Variants in ATXN2 observed in about 807,000 individuals in gnomAD.
ATXN2 encodes ataxin-2.
ATXN2 carries 37 observed loss-of-function variants against 138.6 expected under a neutral mutation model. The observed-to-expected ratio is 0.27, with a 90% CI of 0.21 to 0.35. ATXN2 has a LOEUF of 0.35. ATXN2 is among the 10% of genes least tolerant of loss of function. ATXN2 has a pLI of 1.00. For synonymous variants in ATXN2, 549 were observed against 543.7 expected (o/e 1.01, Z -0.13); for missense variants, 1,216 against 1,480.3 (o/e 0.82, Z 2.93).
At position 111,453,329 on chromosome 12, in the gene ATXN2, C is replaced by T. The variant is rs1050408707; in HGVS notation, c.3439+348G>A. The T allele has an allele frequency of 3.7e-6, 4 of 1,084,732 alleles. No individual in the cohort carries two copies. Among genetic ancestry groups the T allele is most frequent in the Admixed American group, 1.0e-4 (2 of 19,550 alleles). The allele number at this position is 1,084,732 out of a possible 1,614,324, so 67.2% of individuals were successfully genotyped here. On this transcript the variant is annotated intron_variant, in intron 24 of 24. Transcript: ENST00000673436. This position sits in a 1 kb window ranked among gnomAD's most constrained non-coding sequence, Gnocchi z 5.4. ...AAACTCTGCCATGGTAATAACCCCCCACATGTCAGACTTTTGGGACTCAGG... is the reference window on the plus strand; with the variant it reads ...AAACTCTGCCATGGTAATAACCCCCTACATGTCAGACTTTTGGGACTCAGG...
At chr12:111,454,491 G>A (rs1874912868) in intron 23 of ATXN2, 1 of 154,154 alleles carries the variant, frequency 6.5e-6, no homozygotes, top group South Asian at 2.0e-4. Flanking sequence ...CAGTGAGATG[G>A]AAAGGAGTAA....
chr12:111,491,251 C>CA (rs1186660084), intron 14 of ATXN2, among the ~76,000 whole-genome samples: 34 of 151,522 alleles, frequency 2.2e-4, no homozygotes, highest in South Asian at 1.9e-3. Context: ...GAAACTCTGC[C>CA]AAAAAAAACC....
intron 5 of ATXN2, among the ~76,000 whole-genome samples, chr12:111,528,272 T>G (rs1045515081): frequency 3.9e-5 from 6 of 151,906 alleles, no homozygotes; most frequent in African/African-American, 1.4e-4. Context: ...CTACAGGGTA[T>G]GTGTGTGTGT....
intron 1 of ATXN2, among the ~76,000 whole-genome samples, chr12:111,563,935 C>T (rs1200995305): frequency 1.3e-5 from 2 of 152,134 alleles, no homozygotes; most frequent in Admixed American, 6.6e-5. Context: ...ACTAGTGTAT[C>T]TGTCATATAC....
chr12:111,559,712 C>T (rs911170892), intron 1 of ATXN2, among the ~76,000 whole-genome samples: 32 of 149,866 alleles, frequency 2.1e-4, no homozygotes, highest in Non-Finnish European at 3.3e-4. Context: ...AGTGGAGGTT[C>T]CAGTGAGCCG....
chr12:111,509,713 A>C, intron 13 of ATXN2, 94 bp from the exon 14 acceptor site: 1 of 940,988 alleles, frequency 1.1e-6, no homozygotes, highest in East Asian at 2.6e-5. Flanking sequence ...AGAATAAGAT[A>C]TAAGATCAGA....
At chr12:111,563,677 A>G (rs1882824837) in intron 1 of ATXN2, among the ~76,000 whole-genome samples, 1 of 152,222 alleles carries the variant, frequency 6.6e-6, no homozygotes, top group African/African-American at 2.4e-5. Flanking sequence ...ATTCTTTATA[A>G]TATCTTTGCA....
intron 1 of ATXN2, among the ~76,000 whole-genome samples, chr12:111,572,367 C>T (rs985264746): frequency 1.5e-4 from 23 of 151,686 alleles, no homozygotes; most frequent in Non-Finnish European, 2.8e-4. Context: ...CACCATTGCA[C>T]TCCAGCCTGG....
intron 5 of ATXN2, among the ~76,000 whole-genome samples, chr12:111,535,991 C>T (rs892513643): frequency 7.1e-6 from 1 of 140,596 alleles, no homozygotes; most frequent in African/African-American, 3.0e-5. Flanking sequence ...CAGAGCGAGA[C>T]TCCGTCTCAA....
At chr12:111,583,186 T>G (rs1884111246) in intron 1 of ATXN2, among the ~76,000 whole-genome samples, 1 of 148,208 alleles carries the variant, frequency 6.7e-6, no homozygotes, top group Non-Finnish European at 1.5e-5. Context: ...AGAGATGAGG[T>G]TTCACAATGT....
At position 111,545,601 on chromosome 12, in the gene ATXN2, T is replaced by C. The variant is rs377662583; in HGVS notation, c.571+6679A>G. Among the ~76,000 whole-genome samples, 4 of 150,508 alleles carry C rather than the reference T, an allele frequency of 2.7e-5. No homozygotes were observed. The East Asian group carries it at 7.9e-4, about 30-fold the overall frequency. On this transcript the variant is annotated intron_variant, in intron 5 of 24. Coordinates refer to ENST00000673436, the MANE Select transcript of ATXN2 (RefSeq NM_001372574.1). The stretch of plus-strand genomic sequence containing the variant: ...AAGAAAAAGAGAACAAGGAGGTAAG[T>C]AGAAGGGAGAGAGTCAAGGGCATGA...
rs757873033 is a variant in ATXN2 at position 111,598,978 on chromosome 12, T to TGCTGCTGC, written c.56_57insGCAGCAGC (p.Gln22HisfsTer27). 4.2e-5 allele frequency: 54 copies of TGCTGCTGC among 1,292,996 alleles called. No homozygotes were observed. The African/African-American group carries it at 5.7e-4, about 14-fold the overall frequency. The allele number at this position is 1,292,996 out of a possible 1,614,324, so 80.1% of individuals were successfully genotyped here. On this transcript the variant is annotated frameshift_variant, in exon 1 of 25. Transcript: ENST00000673436. LOFTEE classifies it high-confidence loss of function. The surrounding 1 kb of genome is among the most constrained non-coding windows in gnomAD (Gnocchi z 4.5). The stretch of plus-strand genomic sequence containing the variant: ...GCTGCTGCTGCTGCTGCTGCTGCTG[T>TGCTGCTGC]TGCTGCTGCTGCTGCTGCTGCTGCT...
chr12:111,485,474 A>G, intron 17 of ATXN2, 143 bp from the exon 18 acceptor site: 1 of 956,596 alleles, frequency 1.0e-6, no homozygotes, highest in Non-Finnish European at 1.5e-6. Flanking sequence ...ATTAGATCAT[A>G]CCCACAGCTA....
At chr12:111,476,766 T>A (rs1254392149) in intron 18 of ATXN2, among the ~76,000 whole-genome samples, 2 of 152,248 alleles carry the variant, frequency 1.3e-5, no homozygotes, top group Non-Finnish European at 2.9e-5. Context: ...CAGTATATGA[T>A]GACCTCAATG....
intron 1 of ATXN2, among the ~76,000 whole-genome samples, chr12:111,588,837 T>TA (rs1417468071): frequency 3.5e-5 from 5 of 143,594 alleles, no homozygotes; most frequent in Non-Finnish European, 7.6e-5. Flanking sequence ...TTAAAATGCA[T>TA]AAAAAAAATT....
At chr12:111,557,026 C>T (rs1376938550) in intron 1 of ATXN2, among the ~76,000 whole-genome samples, 1 of 152,096 alleles carries the variant, frequency 6.6e-6, no homozygotes, top group Admixed American at 6.6e-5. Context: ...AAGATGAATT[C>T]TATTTTCAAG....
intron 14 of ATXN2, among the ~76,000 whole-genome samples, chr12:111,493,585 G>C (rs1015218488): frequency 5.9e-5 from 9 of 151,828 alleles, no homozygotes; most frequent in African/African-American, 2.2e-4. Flanking sequence ...CTCATATTTT[G>C]AGCAGGAAGA....
chr12:111,508,155 T>C (rs1408703859), intron 14 of ATXN2, among the ~76,000 whole-genome samples: 1 of 140,700 alleles, frequency 7.1e-6, no homozygotes. Context: ...GAATGATCAA[T>C]TAAAAAAAAA....
At chr12:111,476,656 CAG>C (rs1431855693) in intron 18 of ATXN2, among the ~76,000 whole-genome samples, 7 of 152,062 alleles carry the variant, frequency 4.6e-5, no homozygotes, top group South Asian at 2.1e-4. Flanking sequence ...CAGCACAAAA[CAG>C]ATGAAATATT....
Sources: allele counts gnomAD v4.1 joint callset (sites outside exome capture counted in the v4.1 genomes callset), GRCh38; gene constraint gnomAD v4.1.1; non-coding constraint Gnocchi (gnomAD v3.1); transcripts MANE v1.5; gene names NCBI Gene and HGNC (gene_info 2026-07-23, HGNC 2026-07-21).